ULK4: variants seen among roughly 807,000 people sequenced by gnomAD.
The protein encoded by ULK4 is inactive serine/threonine-protein kinase ULK4.
A neutral mutation model predicts 160.6 loss-of-function variants in ULK4; 133 were observed. The ratio of observed to expected loss-of-function variants is 0.83; its 90% CI spans 0.72 to 0.96. The LOEUF (loss-of-function observed/expected upper bound fraction) is 0.96. Ranked by LOEUF, ULK4 falls within the 40% of genes least tolerant of loss-of-function variation. ULK4 has a pLI of 0.00. For synonymous variants in ULK4, 534 were observed against 539.8 expected (o/e 0.99, Z 0.15); for missense variants, 1,580 against 1,499.5 (o/e 1.05, Z -0.89).
chr3:41,689,573 T>C (rs2125803468), intron 27 of ULK4, among the ~76,000 whole-genome samples: 1 of 152,084 alleles, frequency 6.6e-6, no homozygotes, highest in African/African-American at 2.4e-5. Context: ...GCATCTACAA[T>C]GAACTCAAAC....
In ULK4 at chr3:41,337,180, T is replaced by C. The variant is rs181954281; in HGVS notation, c.3678+60899A>G. On this transcript the variant is annotated intron_variant, in intron 35 of 36. Transcript: ENST00000301831. ...TCCTATATTCCTCAAATTATGATGA[T>C]TGCATTTTATATTGAATTTTATATT... 2.3e-3 allele frequency among the ~76,000 whole-genome samples: 355 copies of C among 152,350 alleles called. 4 individuals carry two copies. Among genetic ancestry groups the C allele is most frequent in the African/African-American group, 8.0e-3 (334 of 41,584 alleles).
chr3:41,817,525 A>C (rs1436467920), intron 19 of ULK4, among the ~76,000 whole-genome samples: 3 of 152,178 alleles, frequency 2.0e-5, no homozygotes, highest in Non-Finnish European at 4.4e-5. Context: ...GCAGGTACAG[A>C]AAACCAAATA....
chr3:41,448,081 T>C (rs150975617), intron 34 of ULK4, among the ~76,000 whole-genome samples: 241 of 152,232 alleles, frequency 1.6e-3, no homozygotes, highest in Non-Finnish European at 2.5e-3. Context: ...CCTACACAAA[T>C]ATAATTAAAT....
chr3:41,822,251 G>A (rs1211734973), intron 18 of ULK4, among the ~76,000 whole-genome samples: 2 of 152,034 alleles, frequency 1.3e-5, no homozygotes, highest in African/African-American at 4.8e-5. Context: ...TGTCCCACTG[G>A]CCTTGGTGCA....
rs750249056 is a variant in ULK4 at position 41,907,927 on chromosome 3, G to T, written c.1100C>A (p.Pro367His). The T allele has an allele frequency of 1.2e-6, 2 of 1,604,326 alleles. No homozygotes were observed. The highest frequency in any genetic ancestry group is 2.2e-5 in the South Asian group (2 of 89,388). The stretch of plus-strand genomic sequence containing the variant: ...TACTTCCACTGCAGTGCTAGTTCTG[G>T]GAGTAGGACGAGAACTGAAAAATAC... Reference protein sequence around the residue: ...SMFLLSSRPTPRTSTAVEVSP... With the variant: ...SMFLLSSRPTHRTSTAVEVSP... Residue 367 changes from proline (P) to histidine (H), a missense_variant, in exon 12 of 37, where the codon CCC (proline) becomes CAC (histidine). By Grantham distance (77) the Pro-to-His change is moderately conservative (BLOSUM62 -2). Transcript: ENST00000301831.
intron 2 of ULK4, among the ~76,000 whole-genome samples, chr3:41,948,701 T>G (rs7651690): frequency 1.4e-5 from 2 of 141,566 alleles, no homozygotes; most frequent in South Asian, 4.8e-4. Context: ...GAAAATGCAC[T>G]TGGCAAAATT....
chr3:41,644,661 G>T lies in ULK4; in HGVS notation c.3071+18946C>A, dbSNP rs1161841358. On this transcript the variant is annotated intron_variant, in intron 30 of 36. Transcript: ENST00000301831. ...ATATTGGTCTAAAATTCTCTTTTTT[G>T]GTTGTGTCTCTGCCCGGCTTTGGTA... Among the ~76,000 whole-genome samples, 39 of 151,376 alleles carry T rather than the reference G, an allele frequency of 2.6e-4. No homozygotes were observed. The South Asian group carries it at 7.1e-3, about 28-fold the overall frequency.
chr3:41,264,398 C>T (rs2078994550), intron 35 of ULK4, among the ~76,000 whole-genome samples: 1 of 152,230 alleles, frequency 6.6e-6, no homozygotes, highest in Admixed American at 6.5e-5. Flanking sequence ...AGGTAAGATG[C>T]CGTGTGGCCC....
At chr3:41,736,055 T>A (rs1210586276) in intron 22 of ULK4, among the ~76,000 whole-genome samples, 27 of 151,628 alleles carry the variant, frequency 1.8e-4, no homozygotes. Context: ...TATTCCATGG[T>A]GTATATGTGC....
intron 34 of ULK4, among the ~76,000 whole-genome samples, chr3:41,412,592 G>A (rs975762079): frequency 8.9e-5 from 9 of 101,440 alleles, no homozygotes; most frequent in East Asian, 2.2e-4. Flanking sequence ...ACAGAGTCTC[G>A]CTCTGTTGCC....
intron 35 of ULK4, among the ~76,000 whole-genome samples, chr3:41,373,895 C>G (rs757776827): frequency 7.2e-5 from 11 of 151,888 alleles, no homozygotes; most frequent in Non-Finnish European, 1.3e-4. Flanking sequence ...GCTAGCCAGA[C>G]TAATAAAAAA....
chr3:41,678,287 G>C (rs1046298472), intron 29 of ULK4, among the ~76,000 whole-genome samples: 1 of 151,524 alleles, frequency 6.6e-6, no homozygotes, highest in Non-Finnish European at 1.5e-5. Flanking sequence ...TCTTACAACT[G>C]AGCCTTTGTT....
chr3:41,247,673 G>A (rs774466354), intron 36 of ULK4, among the ~76,000 whole-genome samples: 10 of 152,176 alleles, frequency 6.6e-5, no homozygotes, highest in Admixed American at 1.3e-4. Context: ...CCAGGAGACC[G>A]TTCCATGCAT....
intron 32 of ULK4, among the ~76,000 whole-genome samples, chr3:41,510,647 T>C (rs2085538540): frequency 6.6e-6 from 1 of 152,118 alleles, no homozygotes; most frequent in East Asian, 1.9e-4. Context: ...CAGAACACAG[T>C]GGAATAAAAT....
At chr3:41,746,907 A>G (rs2038439926) in intron 22 of ULK4, among the ~76,000 whole-genome samples, 1 of 151,992 alleles carries the variant, frequency 6.6e-6, no homozygotes, top group African/African-American at 2.4e-5. Context: ...GGAAAGATAG[A>G]CTTTTCAACA....
At chr3:41,684,911 A>G (rs996261694) in intron 27 of ULK4, among the ~76,000 whole-genome samples, 7 of 152,208 alleles carry the variant, frequency 4.6e-5, no homozygotes, top group Admixed American at 4.6e-4. Context: ...TAACCTTACA[A>G]ATTATCTTGA....
chr3:41,464,518 C>A (rs1205309892), intron 32 of ULK4, among the ~76,000 whole-genome samples: 3 of 152,136 alleles, frequency 2.0e-5, no homozygotes, highest in African/African-American at 7.2e-5. Flanking sequence ...ATCAATGATA[C>A]ATAGTGCAGA....
chr3:41,760,115 T>C (rs2038937270), intron 21 of ULK4, among the ~76,000 whole-genome samples: 1 of 152,164 alleles, frequency 6.6e-6, no homozygotes, highest in Admixed American at 6.5e-5. Flanking sequence ...AAAATTTTAA[T>C]GAACAAAATA....
At chr3:41,566,243 T>C in intron 31 of ULK4, 113 bp from the exon 32 acceptor site, 1 of 874,934 alleles carries the variant, frequency 1.1e-6, no homozygotes, top group Admixed American at 2.5e-5. Context: ...GGTTAAATGA[T>C]TACCTTTTTG....
Sources: gnomAD v4.1 joint callset for allele counts (sites outside exome capture counted in the v4.1 genomes callset) on GRCh38, gnomAD v4.1.1 for gene constraint, MANE v1.5 for transcripts, NCBI Gene and HGNC (gene_info 2026-07-23, HGNC 2026-07-21) for gene names.